CRTC1: variants seen among roughly 807,000 people sequenced by gnomAD.
CRTC1 encodes the protein CREB-regulated transcription coactivator 1.
In CRTC1, 18 loss-of-function variants were observed where a neutral mutation model predicts 66.1. The ratio of observed to expected loss-of-function variants is 0.27; its 90% CI spans 0.19 to 0.40. The LOEUF is 0.40. CRTC1 is among the 10% of genes least tolerant of loss of function. The probability of loss-of-function intolerance (pLI) is 1.00; values close to 1 mark genes in which losing one functional copy is unlikely to be tolerated. For missense variants in CRTC1, 669 were observed against 887.9 expected, an observed-to-expected ratio of 0.75 and a Z score of 3.13; for synonymous variants, 416 against 398.8, an observed-to-expected ratio of 1.04 and a Z score of -0.51.
At chr19:18,743,053 C>G in intron 2 of CRTC1, 27 bp downstream of exon 2, 1 of 1,557,000 alleles carries the variant, frequency 6.4e-7, no homozygotes, top group East Asian at 2.2e-5. Flanking sequence ...CTGGCCCTGC[C>G]CCATTGTGGG....
Position 18,742,896 on chromosome 19 carries a change from C to T in CRTC1, c.127-14C>T. Reference sequence around the variant, plus strand: ...AGGTGACCCCTCCCGCAGCTGCTGGCTTCTCTCTCGCAGCTCCAGCTCCAG... The same window carrying T: ...AGGTGACCCCTCCCGCAGCTGCTGGTTTCTCTCTCGCAGCTCCAGCTCCAG... On this transcript the variant is annotated splice_polypyrimidine_tract_variant and intron_variant, in intron 1 of 13. Transcript: ENST00000321949. 6.2e-7 allele frequency: 1 copy of T among 1,600,740 alleles called. No individual in the cohort carries two copies.
intron 1 of CRTC1, among the ~76,000 whole-genome samples, chr19:18,713,077 A>G (rs1341062793): frequency 1.3e-5 from 2 of 151,106 alleles, no homozygotes; most frequent in Non-Finnish European, 2.9e-5. Context: ...TGTTCTGGAC[A>G]TTTCAGATCA....
intron 1 of CRTC1, among the ~76,000 whole-genome samples, chr19:18,716,360 C>A (rs1429094678): frequency 6.6e-6 from 1 of 151,996 alleles, no homozygotes; most frequent in Non-Finnish European, 1.5e-5. Context: ...TCAAGCAGTT[C>A]TCTGCCTCAG....
At chr19:18,728,127 TATC>T (rs2053801835) in intron 1 of CRTC1, among the ~76,000 whole-genome samples, 1 of 152,136 alleles carries the variant, frequency 6.6e-6, no homozygotes, top group African/African-American at 2.4e-5. Context: ...AGGAGACTGA[TATC>T]ATGCCCAAGA....
chr19:18,730,505 TG>T (rs1293857029), intron 1 of CRTC1, among the ~76,000 whole-genome samples: 3 of 152,074 alleles, frequency 2.0e-5, no homozygotes, highest in Non-Finnish European at 4.4e-5. Flanking sequence ...AGTCACCGGC[TG>T]GGTGTTCGCC....
At chr19:18,753,338 T>G (rs2054412081) in intron 5 of CRTC1, among the ~76,000 whole-genome samples, 162 bp from the exon 6 acceptor site, 1 of 152,080 alleles carries the variant, frequency 6.6e-6, no homozygotes, top group African/African-American at 2.4e-5. Context: ...ATGAAGCCCT[T>G]TTTTGTGGTT....
At chr19:18,695,476 C>T (rs936371280) in intron 1 of CRTC1, among the ~76,000 whole-genome samples, 1 of 152,172 alleles carries the variant, frequency 6.6e-6, no homozygotes, top group South Asian at 2.1e-4. Flanking sequence ...CCCCTGGGGG[C>T]ATTTGGCAAC....
intron 1 of CRTC1, among the ~76,000 whole-genome samples, chr19:18,728,493 C>T (rs903410717): frequency 6.6e-6 from 1 of 152,078 alleles, no homozygotes; most frequent in Non-Finnish European, 1.5e-5. Context: ...GGGAAGTTCT[C>T]CGTGCCTTAT....
intron 1 of CRTC1, among the ~76,000 whole-genome samples, chr19:18,713,880 G>A (rs1381168397): frequency 1.3e-5 from 2 of 152,198 alleles, no homozygotes; most frequent in African/African-American, 4.8e-5. Context: ...AGTATCTGCT[G>A]GGGTGAGCCC....
intron 8 of CRTC1, among the ~76,000 whole-genome samples, chr19:18,763,651 G>T (rs1373689819): frequency 6.6e-6 from 1 of 152,240 alleles, no homozygotes; most frequent in Non-Finnish European, 1.5e-5. Context: ...CAGATTTCTG[G>T]CTGCTCTTGA....
chr19:18,723,156 G>A (rs1227508700), intron 1 of CRTC1, among the ~76,000 whole-genome samples: 1 of 152,064 alleles, frequency 6.6e-6, no homozygotes, highest in Non-Finnish European at 1.5e-5. Context: ...GGCCAGGCTG[G>A]TCTCAAACTC....
chr19:18,688,533 G>A (rs1447531602), intron 1 of CRTC1, among the ~76,000 whole-genome samples: 2 of 152,084 alleles, frequency 1.3e-5, no homozygotes, highest in African/African-American at 4.8e-5. Flanking sequence ...CCGCCTCCTG[G>A]GTTCAAGCGA....
chr19:18,694,505 C>T (rs2052936925), intron 1 of CRTC1, among the ~76,000 whole-genome samples: 1 of 152,096 alleles, frequency 6.6e-6, no homozygotes, highest in South Asian at 2.1e-4. Context: ...ATCATGCGGT[C>T]CACTGTGGCT....
chr19:18,701,133 A>G (rs1488908605), intron 1 of CRTC1, among the ~76,000 whole-genome samples: 1 of 152,158 alleles, frequency 6.6e-6, no homozygotes, highest in Non-Finnish European at 1.5e-5. Context: ...TAATCCCTTC[A>G]CTGCCGGCTC....
chr19:18,747,497 A>T (rs2054272911), intron 4 of CRTC1, among the ~76,000 whole-genome samples: 1 of 152,088 alleles, frequency 6.6e-6, no homozygotes, highest in Non-Finnish European at 1.5e-5. Context: ...ATTTGCCAGC[A>T]TGGTGGCGCA....
intron 1 of CRTC1, among the ~76,000 whole-genome samples, chr19:18,735,076 A>C (rs1252025729): frequency 6.6e-6 from 1 of 152,172 alleles, no homozygotes; most frequent in Non-Finnish European, 1.5e-5. Context: ...AAAATGCGTG[A>C]GATCTGGGGC....
intron 2 of CRTC1, among the ~76,000 whole-genome samples, chr19:18,745,130 G>T (rs1235891048): frequency 6.6e-6 from 1 of 152,304 alleles, no homozygotes; most frequent in Middle Eastern, 3.4e-3. Context: ...CAGGGCCTGG[G>T]GAGGGCCAGC....
chr19:18,744,588 C>T (rs577174173), intron 2 of CRTC1, among the ~76,000 whole-genome samples: 4 of 152,340 alleles, frequency 2.6e-5, no homozygotes, highest in South Asian at 2.1e-4. Context: ...GGCCAGCCCC[C>T]GCTTCATTCT....
In CRTC1 at chr19:18,778,051, T is replaced by C. The variant is rs952236722; in HGVS notation, c.*669T>C. On this transcript the variant is annotated 3_prime_UTR_variant, in exon 14 of 14. Transcript: ENST00000321949. ...AGGGCGGCGGACCCCCCCACGACCC[T>C]CCTCGCCCTGTCTCCATCCCCTCGA... 6 of 233,268 alleles carry C rather than the reference T, an allele frequency of 2.6e-5. No individual in the cohort carries two copies. The highest frequency in any genetic ancestry group is 5.1e-5 in the Non-Finnish European group (6 of 118,234). 14.4% of individuals were successfully genotyped at this position (233,268 alleles called of 1,614,324 possible). A position where few individuals can be genotyped will look rare whatever the true frequency, so the allele number is the denominator to read the frequency against.
Sources: gnomAD v4.1 joint callset for allele counts (sites outside exome capture counted in the v4.1 genomes callset) on GRCh38, gnomAD v4.1.1 for gene constraint, MANE v1.5 for transcripts, NCBI Gene and HGNC (gene_info 2026-07-23, HGNC 2026-07-21) for gene names.